The following MYH16 variants were observed in gnomAD, a reference collection of about 807,000 sequenced individuals.
MYH16 encodes putative uncharacterized protein MYH16.
rs554046759 is a variant in MYH16 at position 99,288,641 on chromosome 7, T to C, written n.3706+504T>C. ...AGGCAGAGGTTGCATTGAGCCGAGA[T>C]TGCGCCACTGCACTCCAGCCTGGGC... On this transcript the variant is annotated intron_variant and non_coding_transcript_variant, in intron 29 of 41. Coordinates refer to ENST00000439784, the Ensembl canonical transcript of MYH16. Among the ~76,000 whole-genome samples, 16 of 141,290 alleles carry C rather than the reference T, an allele frequency of 1.1e-4. No homozygotes were observed. The South Asian group carries it at 3.0e-3, about 26-fold the overall frequency. 92.7% of individuals were successfully genotyped at this position (141,290 alleles called of 152,430 possible).
intron 19 of MYH16, among the ~76,000 whole-genome samples, chr7:99,272,480 G>A (rs1455088078): frequency 6.6e-6 from 1 of 152,060 alleles, no homozygotes; most frequent in Non-Finnish European, 1.5e-5. Flanking sequence ...GCCCATACCT[G>A]TAATCCCAGC....
chr7:99,257,691 C>A (rs917217259), intron 10 of MYH16, among the ~76,000 whole-genome samples: 1 of 152,110 alleles, frequency 6.6e-6, no homozygotes, highest in Non-Finnish European at 1.5e-5. Context: ...TAGGTGGGAG[C>A]GCAGTGGTGC....
At chr7:99,262,569 G>A (rs954361122) in intron 13 of MYH16, among the ~76,000 whole-genome samples, 2 of 152,188 alleles carry the variant, frequency 1.3e-5, no homozygotes, top group Non-Finnish European at 2.9e-5. Flanking sequence ...AGGCAGAGAT[G>A]ACAAATGTCT....
At chr7:99,282,955 C>T (rs1409052178) in intron 23 of MYH16, among the ~76,000 whole-genome samples, 1 of 152,106 alleles carries the variant, frequency 6.6e-6, no homozygotes, top group Non-Finnish European at 1.5e-5. Context: ...CCGGGTGGGA[C>T]ATCAGGAATG....
At chr7:99,281,731 A>G (rs1792200927) in intron 23 of MYH16, among the ~76,000 whole-genome samples, 1 of 152,150 alleles carries the variant, frequency 6.6e-6, no homozygotes, top group Non-Finnish European at 1.5e-5. Flanking sequence ...TGAGTTCTTG[A>G]GGCCATGGGG....
At chr7:99,280,934 T>C in exon 23 of MYH16, 1 of 426,504 alleles carries the variant, frequency 2.3e-6, no homozygotes, top group Non-Finnish European at 4.7e-6. Context: ...GAAGACTCCA[T>C]CACCAAGCTC....
At chr7:99,242,010 G>A (rs1157919251) in intron 1 of MYH16, among the ~76,000 whole-genome samples, 2 of 152,026 alleles carry the variant, frequency 1.3e-5, no homozygotes, top group East Asian at 3.9e-4. Context: ...ACAAGTGTGC[G>A]CTACCACGCC....
chr7:99,259,847 GTGTATATATATATATATATATT>G (rs996900726), intron 11 of MYH16, among the ~76,000 whole-genome samples: 4 of 138,648 alleles, frequency 2.9e-5, no homozygotes, highest in African/African-American at 1.2e-4. Context: ...ATGTATGTAT[GTGTATATATATATATATATATT>G]TCTGTTTACC....
intron 21 of MYH16, among the ~76,000 whole-genome samples, chr7:99,278,692 C>G (rs867246948): frequency 8.5e-5 from 13 of 152,174 alleles, no homozygotes; most frequent in African/African-American, 2.9e-4. Context: ...CTGGAAGGGG[C>G]CCAATTCCAT....
At chr7:99,263,058 T>C (rs1252312803) in intron 13 of MYH16, among the ~76,000 whole-genome samples, 1 of 151,320 alleles carries the variant, frequency 6.6e-6, no homozygotes, top group Non-Finnish European at 1.5e-5. Flanking sequence ...GGAGTCTGGG[T>C]TTATGTGCAA....
At chr7:99,308,064 ATG>A (rs1792705824), downstream of MYH16, among the ~76,000 whole-genome samples, 1 of 151,980 alleles carries the variant, frequency 6.6e-6, no homozygotes, top group Admixed American at 6.6e-5. Context: ...TGGGGCTTTA[ATG>A]TGTGTCCACC....
At chr7:99,301,195 C>CAAAAAA (rs11315562) in intron 37 of MYH16, among the ~76,000 whole-genome samples, 1 of 54,484 alleles carries the variant, frequency 1.8e-5, no homozygotes, top group Non-Finnish European at 3.4e-5. Flanking sequence ...GACTCTGTCT[C>CAAAAAA]AAAAAAAAAA....
chr7:99,281,966 T>C lies in MYH16; in HGVS notation n.2992+986T>C, dbSNP rs148503003. ...CCTTGCCCTGTGATTTTCAAGCATATCAGACCCAGAGCCTCCTTTCATAAC... is the reference window on the plus strand; with the variant it reads ...CCTTGCCCTGTGATTTTCAAGCATACCAGACCCAGAGCCTCCTTTCATAAC... On this transcript the variant is annotated intron_variant and non_coding_transcript_variant, in intron 23 of 41. Coordinates refer to ENST00000439784, the Ensembl canonical transcript of MYH16. Among the ~76,000 whole-genome samples the C allele has an allele frequency of 4.6e-4, 70 of 152,348 alleles. 1 individual carries two copies. In the East Asian group the frequency reaches 0.013, roughly 28 times the overall value.
chr7:99,291,721 G>A (rs1792382629), intron 31 of MYH16, among the ~76,000 whole-genome samples: 1 of 148,098 alleles, frequency 6.8e-6, no homozygotes, highest in African/African-American at 2.5e-5. Context: ...CACTTTGACA[G>A]GCCAAGGTGG....
At chr7:99,293,701 GT>G (rs1332408096) in intron 32 of MYH16, among the ~76,000 whole-genome samples, 25 of 152,286 alleles carry the variant, frequency 1.6e-4, no homozygotes, top group African/African-American at 6.0e-4. Context: ...TATAGGGCAT[GT>G]ATTGCCTGCC....
chr7:99,293,810 C>T (rs975033545), intron 32 of MYH16, among the ~76,000 whole-genome samples: 4 of 149,930 alleles, frequency 2.7e-5, no homozygotes, highest in Admixed American at 6.6e-5. Context: ...CAATCCTTGA[C>T]GCAGGGTAGA....
exon 34 of MYH16, chr7:99,296,793 G>A (rs1414310464): frequency 6.6e-6 from 3 of 456,644 alleles, no homozygotes; most frequent in Non-Finnish European, 1.3e-5. Context: ...AGTTGCAGGT[G>A]GAAGTGGACA....
intron 5 of MYH16, among the ~76,000 whole-genome samples, chr7:99,250,861 G>T (rs1431983480): frequency 2.6e-5 from 4 of 152,192 alleles, no homozygotes; most frequent in Non-Finnish European, 5.9e-5. Context: ...GTGTCCCCAG[G>T]TGCCCCTCCC....
At chr7:99,254,477 AC>A (rs1186611932) in intron 8 of MYH16, among the ~76,000 whole-genome samples, 1 of 152,200 alleles carries the variant, frequency 6.6e-6, no homozygotes, top group Non-Finnish European at 1.5e-5. Flanking sequence ...ATACTCGGGC[AC>A]CAGCACAGGG....
Sources: gnomAD v4.1 joint callset for allele counts (sites outside exome capture counted in the v4.1 genomes callset) on GRCh38, gnomAD v4.1.1 for gene constraint, MANE v1.5 for transcripts, NCBI Gene and HGNC (gene_info 2026-07-23, HGNC 2026-07-21) for gene names.